PRKCA: variants seen among roughly 807,000 people sequenced by gnomAD.
PRKCA encodes the protein protein kinase C alpha type.
In PRKCA, 27 loss-of-function variants were observed where a neutral mutation model predicts 87.0. The observed-to-expected ratio is 0.31, with a 90% CI of 0.23 to 0.43. The LOEUF (loss-of-function observed/expected upper bound fraction) is 0.43. Ranked by LOEUF, PRKCA falls within the 20% of genes least tolerant of loss-of-function variation. The pLI, the probability that PRKCA is intolerant of heterozygous loss-of-function variation, is 1.00. For synonymous variants in PRKCA, 329 were observed against 311.1 expected, an observed-to-expected ratio of 1.06 and a Z score of -0.61; for missense variants, 518 against 852.3, an observed-to-expected ratio of 0.61 and a Z score of 4.88.
intron 3 of PRKCA, among the ~76,000 whole-genome samples, chr17:66,577,600 C>T (rs936589475): frequency 1.3e-5 from 2 of 152,186 alleles, no homozygotes; most frequent in Admixed American, 6.5e-5. Context: ...GCCTGCACTT[C>T]GGCTCTGGTT....
chr17:66,780,977 C>G (rs535096116), intron 14 of PRKCA, among the ~76,000 whole-genome samples: 1 of 151,206 alleles, frequency 6.6e-6, no homozygotes, highest in South Asian at 2.1e-4. Context: ...GGCGTGGTGA[C>G]GTGCACCTGT....
chr17:66,362,927 CAG>C (rs766551894), intron 2 of PRKCA, among the ~76,000 whole-genome samples: 106 of 152,258 alleles, frequency 7.0e-4, no homozygotes, highest in Non-Finnish European at 1.1e-3. Context: ...CTCCTGGCCT[CAG>C]GGGATCCACC....
chr17:66,347,007 G>T (rs1281759378), intron 2 of PRKCA, among the ~76,000 whole-genome samples: 2 of 150,862 alleles, frequency 1.3e-5, no homozygotes, highest in Non-Finnish European at 2.9e-5. Context: ...CTCCAGCCTG[G>T]GTGACAGAGC....
intron 3 of PRKCA, among the ~76,000 whole-genome samples, chr17:66,501,489 C>T (rs549436777): frequency 2.0e-5 from 3 of 152,320 alleles, no homozygotes; most frequent in Non-Finnish European, 2.9e-5. Flanking sequence ...AGAGAACCAA[C>T]GTTAGCGGTG....
chr17:66,406,056 C>T (rs1273537550), intron 2 of PRKCA, among the ~76,000 whole-genome samples: 1 of 152,212 alleles, frequency 6.6e-6, no homozygotes, highest in African/African-American at 2.4e-5. Flanking sequence ...GCTCTGTCAT[C>T]ATCGAGTTAG....
At chr17:66,763,534 G>A (rs1974733209) in intron 13 of PRKCA, among the ~76,000 whole-genome samples, 1 of 152,174 alleles carries the variant, frequency 6.6e-6, no homozygotes, top group Non-Finnish European at 1.5e-5. Context: ...GGGGTCCTGT[G>A]TTCTATCCTT....
At chr17:66,664,574 G>A (rs746183821) in intron 5 of PRKCA, among the ~76,000 whole-genome samples, 6 of 150,960 alleles carry the variant, frequency 4.0e-5, no homozygotes, top group Non-Finnish European at 8.8e-5. Context: ...TCAAAGAAGA[G>A]AGATTCGTCA....
rs1231239036 is a variant in PRKCA at position 66,809,924 on chromosome 17, C to T, written c.*5887C>T. ...CCAGACCCGCCTGGTCCCCAGGTCT[C>T]TCACCTTGGGTGAAGATTCAGAGAT... On this transcript the variant is annotated 3_prime_UTR_variant, in exon 17 of 17. Coordinates refer to ENST00000413366, the MANE Select transcript of PRKCA (RefSeq NM_002737.3). 6.6e-6 allele frequency: 1 copy of T among 152,202 alleles called. No homozygotes were observed. The highest frequency in any genetic ancestry group is 1.5e-5 in the Non-Finnish European group (1 of 68,044). The allele number at this position is 152,202 out of a possible 1,614,324, so 9.4% of individuals were successfully genotyped here.
Position 66,773,992 on chromosome 17 carries a change from C to A in PRKCA, c.1530C>A (p.Ile510=). 1.2e-6 allele frequency: 2 copies of A among 1,613,822 alleles called. No individual in the cohort carries two copies. The highest frequency in any genetic ancestry group is 1.3e-5 in the African/African-American group (1 of 74,982). ...GTPDYIAPEI[I]AYQPYGKSVD... is the part of the protein sequence containing the mutation. The stretch of plus-strand genomic sequence containing the variant: ...ATGTGTTTGTTTTCACACAGATAAT[C>A]GCTTATCAGCCGTATGGAAAATCTG... The change falls in exon 14 of 17, where the codon ATC becomes ATA. Residue 510 remains isoleucine, a synonymous_variant. Transcript: ENST00000413366.
At chr17:66,325,798 A>T (rs142537164) in intron 2 of PRKCA, among the ~76,000 whole-genome samples, 1 of 152,330 alleles carries the variant, frequency 6.6e-6, no homozygotes, top group Admixed American at 6.5e-5. Flanking sequence ...TAGGACTGCA[A>T]GCTTTTGCAT....
intron 2 of PRKCA, among the ~76,000 whole-genome samples, chr17:66,354,824 TCAAA>T (rs1306691344): frequency 1.3e-5 from 2 of 152,234 alleles, no homozygotes; most frequent in Admixed American, 6.5e-5. Context: ...AAAAGGATGA[TCAAA>T]CAAATTTAAT....
intron 5 of PRKCA, among the ~76,000 whole-genome samples, chr17:66,663,872 G>GTT (rs34996655): frequency 0.052 from 7,529 of 143,628 alleles, 261 homozygotes; most frequent in Admixed American, 0.075. Flanking sequence ...TGATTTTGGG[G>GTT]TTTTTTTTTT....
In PRKCA at chr17:66,694,249, C is replaced by T. The variant is rs540224793; in HGVS notation, c.918+5202C>T. On this transcript the variant is annotated intron_variant, in intron 8 of 16. Transcript: ENST00000413366. The stretch of plus-strand genomic sequence containing the variant: ...CTGTAATCCTAGCACTTTGGGAGGC[C>T]AGGGTGCTGGATCACGAGGTCAAGA... Among the ~76,000 whole-genome samples the T allele has an allele frequency of 2.0e-5, 3 of 152,042 alleles. No individual in the cohort carries two copies. The East Asian group carries it at 5.8e-4, about 29-fold the overall frequency.
At chr17:66,708,279 C>A (rs1200913782) in intron 8 of PRKCA, among the ~76,000 whole-genome samples, 1 of 152,212 alleles carries the variant, frequency 6.6e-6, no homozygotes, top group East Asian at 1.9e-4. Flanking sequence ...TTGCCACTTT[C>A]ACCTTGAGCA....
At chr17:66,435,299 C>T (rs114543353) in intron 2 of PRKCA, among the ~76,000 whole-genome samples, 35 of 152,328 alleles carry the variant, frequency 2.3e-4, no homozygotes, top group African/African-American at 8.4e-4. Flanking sequence ...GACCAACTAA[C>T]TAGCACAGTT....
At chr17:66,763,995 G>A (rs766105087) in intron 13 of PRKCA, among the ~76,000 whole-genome samples, 8 of 152,168 alleles carry the variant, frequency 5.3e-5, no homozygotes, top group Non-Finnish European at 7.4e-5. Flanking sequence ...TAGCTGTCTA[G>A]GGAACCCCAC....
intron 5 of PRKCA, among the ~76,000 whole-genome samples, chr17:66,681,199 A>T (rs1475535406): frequency 6.6e-6 from 1 of 152,200 alleles, no homozygotes; most frequent in Non-Finnish European, 1.5e-5. Flanking sequence ...ACTGCACTCC[A>T]GCCTGGGTGA....
At chr17:66,388,234 A>C (rs370124138) in intron 2 of PRKCA, among the ~76,000 whole-genome samples, 3 of 152,132 alleles carry the variant, frequency 2.0e-5, no homozygotes, top group African/African-American at 7.2e-5. Flanking sequence ...ACATGCTTTC[A>C]TTATTTTGTA....
intron 2 of PRKCA, among the ~76,000 whole-genome samples, chr17:66,436,848 T>C (rs1035194815): frequency 6.6e-6 from 1 of 152,166 alleles, no homozygotes; most frequent in Non-Finnish European, 1.5e-5. Context: ...AAGGAGAATT[T>C]TTTTTAAAGA....
Sources: allele counts gnomAD v4.1 joint callset (sites outside exome capture counted in the v4.1 genomes callset), GRCh38; gene constraint gnomAD v4.1.1; transcripts MANE v1.5; gene names NCBI Gene and HGNC (gene_info 2026-07-23, HGNC 2026-07-21).